UBR1: variants seen among roughly 807,000 people sequenced by gnomAD.
UBR1 encodes the protein E3 ubiquitin-protein ligase UBR1.
Under a neutral mutation model 242.1 loss-of-function variants are expected in UBR1, and 102 were observed. That is an observed-to-expected ratio of 0.42 (90% CI 0.36 to 0.50). The LOEUF (loss-of-function observed/expected upper bound fraction) is 0.50, where lower values mean the gene tolerates loss of function less well. Among genes scored for constraint, UBR1 ranks in the 20% least tolerant of loss-of-function variants. The pLI is 0.01. For synonymous variants in UBR1, 675 were observed against 684.8 expected (o/e 0.99, Z 0.22); for missense variants, 1,772 against 2,101.8 (o/e 0.84, Z 3.07).
Position 43,007,129 on chromosome 15 carries a change from T to C in UBR1, c.3365A>G (p.Lys1122Arg). ...NAMVLSACVQ[K>R]STALTQHRGK... Reference sequence around the variant, plus strand: ...CCTGTGCTGGGTTAAGGCAGTAGATTTCTGGACACAGGCCGATAATACCAT... The same window carrying C: ...CCTGTGCTGGGTTAAGGCAGTAGATCTCTGGACACAGGCCGATAATACCAT... Residue 1122 changes from lysine to arginine, a missense_variant, in exon 30 of 47, where the codon AAA (lysine) becomes AGA (arginine). Lys to Arg is a conservative substitution (Grantham distance 26). Around this residue, in one of 3 missense-constraint regions of UBR1, gnomAD observed 965 missense variants for 1,079.7 expected, o/e 0.89. Transcript: ENST00000290650. 2 of 1,614,156 alleles carry C rather than the reference T, an allele frequency of 1.2e-6. No homozygotes were observed. The highest frequency in any genetic ancestry group is 1.7e-6 in the Non-Finnish European group (2 of 1,180,022).
At chr15:42,984,778 T>C in intron 36 of UBR1, 109 bp downstream of exon 36, 3 of 1,003,156 alleles carry the variant, frequency 3.0e-6, no homozygotes, top group East Asian at 4.8e-5. Context: ...TATAGAATTC[T>C]GCTAATTTTT....
intron 46 of UBR1, among the ~76,000 whole-genome samples, chr15:42,947,534 C>T (rs2031758566): frequency 6.6e-6 from 1 of 151,794 alleles, no homozygotes; most frequent in Non-Finnish European, 1.5e-5. Flanking sequence ...TCTAGAAAAC[C>T]CCATTGTCTC....
intron 33 of UBR1, among the ~76,000 whole-genome samples, chr15:42,991,382 A>T (rs529627558): frequency 6.6e-6 from 1 of 152,070 alleles, no homozygotes; most frequent in Non-Finnish European, 1.5e-5. Flanking sequence ...GACTACAGAC[A>T]CGCACCACTG....
chr15:43,010,397 T>C (rs1018302694), intron 29 of UBR1, among the ~76,000 whole-genome samples: 3 of 150,908 alleles, frequency 2.0e-5, no homozygotes, highest in Admixed American at 1.3e-4. Context: ...AGAACATACA[T>C]AGATTTCCAA....
At chr15:43,105,858 T>G in intron 1 of UBR1, 84 bp downstream of exon 1, 1 of 1,344,898 alleles carries the variant, frequency 7.4e-7, no homozygotes, top group Non-Finnish European at 1.1e-6. Context: ...AGAGCCGCCA[T>G]AAGGGGTGAA....
At chr15:42,979,894 T>C (rs1055199721) in intron 37 of UBR1, among the ~76,000 whole-genome samples, 2 of 152,182 alleles carry the variant, frequency 1.3e-5, no homozygotes, top group African/African-American at 4.8e-5. Context: ...AAGCTTGGCA[T>C]ATGTAACCAC....
Position 43,081,417 on chromosome 15 carries a change from C to CA in UBR1, c.417+1220dup, listed in dbSNP as rs71108197. On this transcript the variant is annotated intron_variant, in intron 3 of 46. Transcript: ENST00000290650. ...GGGAAATAACAGCGACACCCCATCT[C>CA]AAAAAAAAAAAAAAAAAAAAAAAAG... Among the ~76,000 whole-genome samples, 584 of 69,558 alleles carry CA rather than the reference C, an allele frequency of 8.4e-3. 3 individuals carry two copies. Among genetic ancestry groups the CA allele is most frequent in the African/African-American group, 0.018 (319 of 17,512 alleles). The allele number at this position is 69,558 out of a possible 152,430, so 45.6% of individuals were successfully genotyped here. A position where few individuals can be genotyped will look rare whatever the true frequency, so the allele number is the denominator to read the frequency against.
In UBR1 at chr15:43,047,262, C is replaced by T; in HGVS notation, c.1567G>A (p.Gly523Arg). ...QGMEEIRRQV[G>R]QHIEVDPDWE... ...TCAGGATCCACTTCAATGTGTTGCC[C>T]AACCTGTCTTCGGATTTCTTCCATT... Residue 523 changes from glycine (G) to arginine (R), a missense_variant, in exon 14 of 47, where the codon GGG becomes AGG. By Grantham distance (125) the Gly-to-Arg change is moderately radical. This residue lies in a region of UBR1 where 734 missense variants were observed against 893.3 expected (regional missense o/e 0.82). Coordinates refer to ENST00000290650, the MANE Select transcript of UBR1 (RefSeq NM_174916.3). 2 of 1,614,150 alleles carry T rather than the reference C, an allele frequency of 1.2e-6. No homozygotes were observed. Among genetic ancestry groups the T allele is most frequent in the African/African-American group, 1.3e-5 (1 of 75,036 alleles).
At chr15:43,059,899 T>C (rs1441722553) in intron 7 of UBR1, 74 bp from the exon 8 acceptor site, 1 of 1,587,742 alleles carries the variant, frequency 6.3e-7, no homozygotes, top group Non-Finnish European at 8.6e-7. Flanking sequence ...ATACTTCAAA[T>C]GAAGAAATCA....
In UBR1 at chr15:43,043,145, T is replaced by C. The variant is rs2033440389; in HGVS notation, c.1849+70A>G. 3 of 1,555,160 alleles carry C rather than the reference T, an allele frequency of 1.9e-6. No individual in the cohort carries two copies. The African/African-American group carries it at 4.1e-5, about 21-fold the overall frequency. ...ATTGAGCACAGAACAAAAATAGAAA[T>C]GATTCTACTAAATGAATACCTAGAA... is the stretch of plus-strand genomic sequence containing the variant. On this transcript the variant is annotated intron_variant, in intron 15 of 46. Transcript: ENST00000290650.
Position 43,032,602 on chromosome 15 carries a change from T to A in UBR1, c.2220A>T (p.Ile740=). Residue 740 remains isoleucine, a synonymous_variant, in exon 20 of 47, where the codon ATA becomes ATT. Transcript: ENST00000290650. The part of the protein sequence containing the change: ...QDLIKQYNTL[I]EEMLQVLIYI... ...AGATGAGGACCTGAAGCATTTCTTC[T>A]ATTAGTGTATTATATTGTTTAATCA... The A allele has an allele frequency of 6.5e-7, 1 of 1,537,924 alleles. No homozygotes were observed. The highest frequency in any genetic ancestry group is 9.0e-7 in the Non-Finnish European group (1 of 1,116,438).
chr15:43,058,185 C>T (rs1377241961), intron 10 of UBR1, among the ~76,000 whole-genome samples, 156 bp downstream of exon 10: 1 of 152,178 alleles, frequency 6.6e-6, no homozygotes, highest in Non-Finnish European at 1.5e-5. Flanking sequence ...GCTGGGATTA[C>T]AGGCGTGAGC....
chr15:43,099,770 G>C (rs1054915420), intron 1 of UBR1, among the ~76,000 whole-genome samples: 1 of 152,096 alleles, frequency 6.6e-6, no homozygotes, highest in African/African-American at 2.4e-5. Flanking sequence ...CTGTCTAGAA[G>C]GAAAGACACA....
chr15:43,076,618 C>A (rs927938044), intron 3 of UBR1, among the ~76,000 whole-genome samples: 2 of 150,028 alleles, frequency 1.3e-5, no homozygotes, highest in African/African-American at 4.9e-5. Context: ...AGGTGAGGAG[C>A]CTCTCTGCCC....
intron 10 of UBR1, among the ~76,000 whole-genome samples, chr15:43,057,118 T>C (rs1050641715): frequency 6.6e-5 from 10 of 152,186 alleles, no homozygotes; most frequent in African/African-American, 2.4e-4. Context: ...AAAAAAATCA[T>C]CTAAGTAGGG....
At chr15:43,098,217 T>C (rs988413482) in intron 1 of UBR1, among the ~76,000 whole-genome samples, 1 of 152,194 alleles carries the variant, frequency 6.6e-6, no homozygotes. Flanking sequence ...CTTTTTTTAT[T>C]ATGTTTGCTG....
At position 43,048,262 on chromosome 15, in the gene UBR1, G is replaced by A. The variant is rs2033510244; in HGVS notation, c.1539+130C>T. ...ATCAAAACAGGATGAGTGAGTCAATGTTTAAATCTTGTTTCTACTTTGCTA... is the reference window on the plus strand; with the variant it reads ...ATCAAAACAGGATGAGTGAGTCAATATTTAAATCTTGTTTCTACTTTGCTA... On this transcript the variant is annotated intron_variant, in intron 13 of 46. Coordinates refer to ENST00000290650, the MANE Select transcript of UBR1 (RefSeq NM_174916.3). 5 of 695,440 alleles carry A rather than the reference G, an allele frequency of 7.2e-6. No homozygotes were observed. In the South Asian group the frequency reaches 9.1e-5, roughly 13 times the overall value. 43.1% of individuals were successfully genotyped at this position (695,440 alleles called of 1,614,324 possible).
intron 18 of UBR1, 95 bp downstream of exon 18, chr15:43,036,431 ATT>A: frequency 8.2e-7 from 1 of 1,214,664 alleles, no homozygotes; most frequent in South Asian, 1.2e-5. Flanking sequence ...CAGTGAGAGT[ATT>A]TTAAGTTAAA....
Position 42,988,269 on chromosome 15 carries a change from ATG to A in UBR1, c.3997+548_3997+549del, listed in dbSNP as rs112501912. Among the ~76,000 whole-genome samples the A allele has an allele frequency of 2.4e-3, 350 of 147,808 alleles. 1 individual carries two copies. The highest frequency in any genetic ancestry group is 7.2e-3 in the East Asian group (36 of 5,032). The stretch of plus-strand genomic sequence containing the variant: ...TTTAATATAGATACTAAAGGAATAT[ATG>A]TGTGTGTGTGTGTGTGTGTGTGAAC... On this transcript the variant is annotated intron_variant, in intron 35 of 46. Coordinates refer to ENST00000290650, the MANE Select transcript of UBR1 (RefSeq NM_174916.3).
Sources: gnomAD v4.1 joint callset for allele counts (sites outside exome capture counted in the v4.1 genomes callset) on GRCh38, gnomAD v4.1.1 for gene constraint, gnomAD v4.1.1 regional missense constraint, MANE v1.5 for transcripts, NCBI Gene and HGNC (gene_info 2026-07-23, HGNC 2026-07-21) for gene names.